The following SOD2 variants were observed in gnomAD, a reference collection of about 807,000 sequenced individuals.
SOD2 encodes the protein superoxide dismutase [Mn], mitochondrial.
Under a neutral mutation model 27.0 loss-of-function variants are expected in SOD2, and 11 were observed. The ratio of observed to expected loss-of-function variants is 0.41; its 90% CI spans 0.26 to 0.67. The LOEUF (loss-of-function observed/expected upper bound fraction) is 0.67, where lower values mean the gene tolerates loss of function less well. Among genes scored for constraint, SOD2 ranks in the 30% least tolerant of loss-of-function variants. SOD2 has a pLI of 0.34. For synonymous variants in SOD2, 105 were observed against 103.0 expected (o/e 1.02, Z -0.12); for missense variants, 250 against 274.5 (o/e 0.91, Z 0.63).
intron 1 of SOD2, among the ~76,000 whole-genome samples, chr6:159,744,243 T>C (rs1175664511): frequency 6.6e-6 from 1 of 152,232 alleles, no homozygotes; most frequent in East Asian, 1.9e-4. Context: ...GTTAGAACTT[T>C]GATGTGTACT....
In SOD2 at chr6:159,685,038, T is replaced by TA. The variant is rs374399885; in HGVS notation, c.344-6dup. 1,448 of 1,391,770 alleles carry TA rather than the reference T, an allele frequency of 1.0e-3. No individual in the cohort carries two copies. The highest frequency in any genetic ancestry group is 2.4e-3 in the South Asian group (167 of 70,904). 86.2% of individuals were successfully genotyped at this position (1,391,770 alleles called of 1,614,324 possible). Reference sequence around the variant, plus strand: ...TGATGGCTTCCAGCAACTCCCCTATTAAAAAAAAAATCCAAAACCACCCAC... The same window carrying TA: ...TGATGGCTTCCAGCAACTCCCCTATTAAAAAAAAAAATCCAAAACCACCCAC... On this transcript the variant is annotated splice_polypyrimidine_tract_variant and splice_region_variant and intron_variant, in intron 3 of 4. Coordinates refer to ENST00000538183, the MANE Select transcript of SOD2 (RefSeq NM_000636.4).
In SOD2 at chr6:159,681,948, T is replaced by C. The variant is rs1162805596; in HGVS notation, c.*545A>G. 6.6e-6 allele frequency: 1 copy of C among 152,246 alleles called. No homozygotes were observed. The highest frequency in any genetic ancestry group is 1.5e-5 in the Non-Finnish European group (1 of 68,070). The allele number at this position is 152,246 out of a possible 1,614,324, so 9.4% of individuals were successfully genotyped here. A position where few individuals can be genotyped will look rare whatever the true frequency, so the allele number is the denominator to read the frequency against. On this transcript the variant is annotated 3_prime_UTR_variant, in exon 5 of 5. Coordinates refer to ENST00000538183, the MANE Select transcript of SOD2 (RefSeq NM_000636.4). The stretch of plus-strand genomic sequence containing the variant: ...ACCCCAGTTCAGTTCACCTGCTACA[T>C]TTAAACAGTATACAGCTCTATTTGC...
upstream of SOD2, among the ~76,000 whole-genome samples, chr6:159,732,176 C>G (rs969191300): frequency 2.7e-4 from 41 of 152,040 alleles, no homozygotes; most frequent in Non-Finnish European, 1.3e-4. Context: ...TGAAAAAAAT[C>G]CAAATATAAA....
upstream of SOD2, chr6:159,693,256 GCC>G (rs2114796676): frequency 1.6e-6 from 2 of 1,279,268 alleles, no homozygotes; most frequent in South Asian, 2.7e-5. Context: ...CTCCTGCGCC[GCC>G]CGCGGGCCTT....
chr6:159,737,988 C>T (rs1779024276), intron 1 of SOD2, among the ~76,000 whole-genome samples: 1 of 152,210 alleles, frequency 6.6e-6, no homozygotes, highest in African/African-American at 2.4e-5. Flanking sequence ...ACTGAGCCTG[C>T]TTCATTGTTA....
intron 1 of SOD2, among the ~76,000 whole-genome samples, chr6:159,711,315 T>C (rs1396868516): frequency 9.7e-4 from 31 of 32,046 alleles, no homozygotes; most frequent in South Asian, 2.8e-3. Flanking sequence ...ACCACCTCCA[T>C]AACCACCACT....
At chr6:159,741,230 A>G (rs1779237441) in intron 1 of SOD2, among the ~76,000 whole-genome samples, 1 of 152,208 alleles carries the variant, frequency 6.6e-6, no homozygotes, top group Admixed American at 6.5e-5. Flanking sequence ...TTCAGGGTAG[A>G]GAAGTATAAT....
At chr6:159,753,645 T>C (rs188633620) in intron 1 of SOD2, 50 of 1,579,474 alleles carry the variant, frequency 3.2e-5, no homozygotes, top group Middle Eastern at 3.4e-4. Context: ...TGGAACGTTG[T>C]CTCAACTTTG....
chr6:159,762,039 T>C (rs1475410278), exon 1 of SOD2: 5 of 1,603,714 alleles, frequency 3.1e-6, no homozygotes, highest in Middle Eastern at 1.7e-4. Flanking sequence ...AGGAGGAGCT[T>C]TGCCTAGCTT....
At position 159,710,470 on chromosome 6, in the gene SOD2, C is replaced by T. The variant is rs571911910; in HGVS notation, c.-116+16659G>A. ...CTCAAAAAAAGAGGAAAAAGAAAGA[C>T]GACAGAGAAGCTGACCAAGAGTGAT... On this transcript the variant is annotated intron_variant, in intron 1 of 2. Transcript: ENST00000401980. Among the ~76,000 whole-genome samples, 412 of 151,906 alleles carry T rather than the reference C, an allele frequency of 2.7e-3. 2 individuals carry two copies. The highest frequency in any genetic ancestry group is 9.6e-3 in the African/African-American group (399 of 41,410).
In SOD2 at chr6:159,682,528, T is replaced by A; in HGVS notation, c.634A>T (p.Asn212Tyr). The stretch of plus-strand genomic sequence containing the variant: ...CAAGCCATGTATCTTTCAGTTACAT[T>A]CTCCCAGTTGATTACATTCCAAATA... The part of the protein sequence containing the change: ...KAIWNVINWE[N>Y]VTERYMACKK The change falls in exon 5 of 5, where the codon AAT becomes TAT. Residue 212 changes from asparagine (N) to tyrosine (Y), a missense_variant. Asn to Tyr is a moderately radical substitution (Grantham distance 143, BLOSUM62 -2). Transcript: ENST00000538183. 6.2e-7 allele frequency: 1 copy of A among 1,613,936 alleles called. No individual in the cohort carries two copies. Among genetic ancestry groups the A allele is most frequent in the Non-Finnish European group, 8.5e-7 (1 of 1,179,952 alleles).
At position 159,679,365 on chromosome 6, in the gene SOD2, C is replaced by T. The variant is rs1779853109; in HGVS notation, c.*3128G>A. On this transcript the variant is annotated 3_prime_UTR_variant, in exon 5 of 5. Coordinates refer to ENST00000538183, the MANE Select transcript of SOD2 (RefSeq NM_000636.4). ...AATAGCTTTCCCAAACAGTACTTCC[C>T]CTGGAATTAAAACAGGAAATACAAT... 1 of 152,126 alleles carries T rather than the reference C, an allele frequency of 6.6e-6. No individual in the cohort carries two copies. Among genetic ancestry groups the T allele is most frequent in the African/African-American group, 2.4e-5 (1 of 41,430 alleles). The allele number at this position is 152,126 out of a possible 1,614,324, so 9.4% of individuals were successfully genotyped here. A position where few individuals can be genotyped will look rare whatever the true frequency, so the allele number is the denominator to read the frequency against.
chr6:159,740,180 C>CT (rs922972298), intron 1 of SOD2, among the ~76,000 whole-genome samples: 3 of 151,758 alleles, frequency 2.0e-5, no homozygotes, highest in African/African-American at 7.3e-5. Context: ...GCATTGTATA[C>CT]TTTTTTTAAT....
chr6:159,682,696 C>G (rs2114763606), intron 4 of SOD2, 58 bp from the exon 5 acceptor site: 2 of 1,503,018 alleles, frequency 1.3e-6, no homozygotes, highest in Non-Finnish European at 8.9e-7. Context: ...AACATTGCAT[C>G]TTCTCAATTT....
intron 1 of SOD2, among the ~76,000 whole-genome samples, chr6:159,732,486 C>T (rs975643989): frequency 3.3e-5 from 5 of 152,044 alleles, no homozygotes; most frequent in African/African-American, 7.3e-5. Flanking sequence ...ACTGATATAC[C>T]GGTTAAATAT....
At chr6:159,737,875 A>G (rs1321527356) in intron 1 of SOD2, among the ~76,000 whole-genome samples, 1 of 152,202 alleles carries the variant, frequency 6.6e-6, no homozygotes, top group African/African-American at 2.4e-5. Flanking sequence ...TCAATTTTTG[A>G]AGCATGTTAG....
At chr6:159,729,623 C>T (rs1253010036), upstream of SOD2, among the ~76,000 whole-genome samples, 1 of 152,176 alleles carries the variant, frequency 6.6e-6, no homozygotes, top group Admixed American at 6.5e-5. Context: ...ATTTGCAGCA[C>T]TTTGTGAGAC....
chr6:159,741,723 C>T, intron 1 of SOD2: 1 of 180,656 alleles, frequency 5.5e-6, no homozygotes, highest in Non-Finnish European at 1.2e-5. Context: ...TGTGGTGACT[C>T]AGGCCTGTAA....
chr6:159,690,050 G>C (rs1474346007), intron 2 of SOD2, among the ~76,000 whole-genome samples: 4 of 151,914 alleles, frequency 2.6e-5, no homozygotes, highest in Non-Finnish European at 5.9e-5. Context: ...TTGGGAGGCT[G>C]AGATGGGCGG....
Sources: allele counts gnomAD v4.1 joint callset (sites outside exome capture counted in the v4.1 genomes callset), GRCh38; gene constraint gnomAD v4.1.1; transcripts MANE v1.5; gene names NCBI Gene and HGNC (gene_info 2026-07-23, HGNC 2026-07-21).